The following FGD4 variants were observed in gnomAD, a reference collection of about 807,000 sequenced individuals.
FGD4 encodes FYVE, RhoGEF and PH domain containing 4.
FGD4 carries 42 observed loss-of-function variants against 102.0 expected under a neutral mutation model. The observed-to-expected ratio is 0.41, with a 90% CI of 0.32 to 0.53. The LOEUF (loss-of-function observed/expected upper bound fraction) is 0.53. FGD4 is among the 20% of genes least tolerant of loss of function. FGD4 has a pLI of 0.21. For missense variants in FGD4, 902 were observed against 1,078.2 expected, an observed-to-expected ratio of 0.84 and a Z score of 2.29; for synonymous variants, 380 against 375.7, an observed-to-expected ratio of 1.01 and a Z score of -0.13.
intron 3 of FGD4, among the ~76,000 whole-genome samples, chr12:32,580,858 G>A (rs1946553363): frequency 2.0e-5 from 3 of 148,956 alleles, no homozygotes; most frequent in Non-Finnish European, 4.4e-5. Context: ...CTGCACTCCA[G>A]CCTGGGTGAC....
At chr12:32,439,807 G>T (rs534796168) in intron 1 of FGD4, among the ~76,000 whole-genome samples, 355 of 152,008 alleles carry the variant, frequency 2.3e-3, no homozygotes, top group Non-Finnish European at 3.3e-3. Flanking sequence ...ATAACTTTTA[G>T]ATTTGCCCTT....
At chr12:32,457,708 AATG>A (rs1229523474) in intron 1 of FGD4, among the ~76,000 whole-genome samples, 2 of 152,202 alleles carry the variant, frequency 1.3e-5, no homozygotes, top group Admixed American at 6.5e-5. Flanking sequence ...CTCTTACTAA[AATG>A]ATCAGTTTAT....
intron 2 of FGD4, 86 bp downstream of exon 2, chr12:32,564,375 T>A (rs1675021829): frequency 6.9e-7 from 1 of 1,453,622 alleles, no homozygotes; most frequent in Non-Finnish European, 9.1e-7. Context: ...ACAAAGAAAG[T>A]GTTTTAAGCT....
chr12:32,485,436 A>ATTTTTTTTTTTTTTTTTTTTTTTTTTT (rs372655892), intron 1 of FGD4, among the ~76,000 whole-genome samples: 1 of 114,218 alleles, frequency 8.8e-6, no homozygotes. Flanking sequence ...TTTAAGACCA[A>ATTTTTTTTTTTTTTTTTTTTTTTTTTT]TTTTTTTTTT....
intron 4 of FGD4, among the ~76,000 whole-genome samples, chr12:32,585,230 A>ATATG (rs1946918810): frequency 2.6e-5 from 2 of 75,566 alleles, no homozygotes; most frequent in Admixed American, 2.7e-4. Flanking sequence ...TTTTATATAT[A>ATATG]TATATATATA....
At chr12:32,418,082 G>A (rs1045241879) in intron 1 of FGD4, among the ~76,000 whole-genome samples, 9 of 151,088 alleles carry the variant, frequency 6.0e-5, no homozygotes, top group Admixed American at 4.6e-4. Context: ...TCAGCCTCCC[G>A]AGTAGCTGGG....
chr12:32,563,606 G>A (rs1241869279), intron 1 of FGD4, among the ~76,000 whole-genome samples: 2 of 152,096 alleles, frequency 1.3e-5, no homozygotes, highest in African/African-American at 2.4e-5. Flanking sequence ...GGTGGCGGCC[G>A]GGCAGAGGCT....
chr12:32,500,925 G>A (rs1395641916), intron 1 of FGD4, among the ~76,000 whole-genome samples: 1 of 152,184 alleles, frequency 6.6e-6, no homozygotes, highest in East Asian at 1.9e-4. Flanking sequence ...TTGACACAGG[G>A]TTCACAGTGG....
rs116986077 is a variant in FGD4, at chr12:32,513,215, A to T, written c.167-50922A>T. ...CTTGGAGATTTTAGGAGGAGGTAAGATCTACATGGTGAAGGGCATTTCATA... is the reference window on the plus strand; with the variant it reads ...CTTGGAGATTTTAGGAGGAGGTAAGTTCTACATGGTGAAGGGCATTTCATA... On this transcript the variant is annotated intron_variant, in intron 1 of 16. Transcript: ENST00000534526. Among the ~76,000 whole-genome samples, 1,303 of 152,344 alleles carry T rather than the reference A, an allele frequency of 8.6e-3. 12 individuals carry two copies. The highest frequency in any genetic ancestry group is 0.014 in the Non-Finnish European group (964 of 68,028).
intron 1 of FGD4, among the ~76,000 whole-genome samples, chr12:32,562,795 A>T (rs1944731322): frequency 6.7e-6 from 1 of 148,816 alleles, no homozygotes; most frequent in South Asian, 2.1e-4. Context: ...CAAAATGAAA[A>T]GTCTCCCATG....
chr12:32,546,274 G>A (rs554936546), intron 1 of FGD4, among the ~76,000 whole-genome samples: 1 of 152,086 alleles, frequency 6.6e-6, no homozygotes, highest in Admixed American at 6.5e-5. Flanking sequence ...ATGTTGCTTA[G>A]GCTGGTCTCA....
intron 14 of FGD4, among the ~76,000 whole-genome samples, chr12:32,628,455 G>A (rs762292203): frequency 2.0e-5 from 3 of 152,114 alleles, no homozygotes; most frequent in African/African-American, 4.8e-5. Context: ...AAAGGTCCCA[G>A]TGGAAGGGCA....
chr12:32,456,888 A>G (rs1394160761), intron 1 of FGD4, among the ~76,000 whole-genome samples: 1 of 152,150 alleles, frequency 6.6e-6, no homozygotes, highest in African/African-American at 2.4e-5. Flanking sequence ...TTTGTATTTG[A>G]AACATAAAGG....
Position 32,576,221 on chromosome 12 carries a change from G to T in FGD4, c.320-45G>T. On this transcript the variant is annotated intron_variant, in intron 2 of 16. Coordinates refer to ENST00000534526, the MANE Select transcript of FGD4 (RefSeq NM_001370298.3). ...GGACACCAGAATTTTTATTGTTATT[G>T]AACAAAATATCAGTGAAATACTATA... 1.9e-6 allele frequency: 3 copies of T among 1,538,816 alleles called. No individual in the cohort carries two copies. The South Asian group carries it at 3.6e-5, about 18-fold the overall frequency.
intron 1 of FGD4, among the ~76,000 whole-genome samples, chr12:32,529,993 A>C (rs1941640300): frequency 6.6e-6 from 1 of 152,044 alleles, no homozygotes. Flanking sequence ...TTTTATTTTT[A>C]AACATTGTAG....
At chr12:32,466,185 C>G (rs575097836) in intron 1 of FGD4, among the ~76,000 whole-genome samples, 1 of 152,072 alleles carries the variant, frequency 6.6e-6, no homozygotes, top group Non-Finnish European at 1.5e-5. Context: ...TTTATATGTA[C>G]TAGGAAATGA....
chr12:32,597,128 A>T (rs1367611892), intron 4 of FGD4, among the ~76,000 whole-genome samples: 1 of 152,196 alleles, frequency 6.6e-6, no homozygotes, highest in African/African-American at 2.4e-5. Context: ...ATTTATAAGG[A>T]TTAATTCATT....
chr12:32,559,242 A>G (rs935668492), intron 1 of FGD4, among the ~76,000 whole-genome samples: 2 of 152,300 alleles, frequency 1.3e-5, no homozygotes, highest in Admixed American at 6.5e-5. Context: ...TTTTGTTGCT[A>G]TTATCCAAGA....
chr12:32,444,229 G>C (rs528926025), intron 1 of FGD4, among the ~76,000 whole-genome samples: 3 of 152,010 alleles, frequency 2.0e-5, no homozygotes, highest in South Asian at 4.2e-4. Context: ...TTACTATGTT[G>C]CCCAGGCTAG....
Sources: gnomAD v4.1 joint callset for allele counts (sites outside exome capture counted in the v4.1 genomes callset) on GRCh38, gnomAD v4.1.1 for gene constraint, MANE v1.5 for transcripts, NCBI Gene and HGNC (gene_info 2026-07-23, HGNC 2026-07-21) for gene names.